The following TMEM132D variants were observed in gnomAD, a reference collection of about 807,000 sequenced individuals.
TMEM132D encodes the protein transmembrane protein 132D, also known as mature OL transmembrane protein.
In TMEM132D, 21 loss-of-function variants were observed where a neutral mutation model predicts 62.3. The ratio of observed to expected loss-of-function variants is 0.34; its 90% confidence interval spans 0.24 to 0.49. TMEM132D has a LOEUF of 0.49. TMEM132D is among the 20% of genes least tolerant of loss of function. The pLI, the probability that TMEM132D is intolerant of heterozygous loss-of-function variation, is 0.99. For synonymous variants in TMEM132D, 621 were observed against 575.6 expected (o/e 1.08, Z -1.13); for missense variants, 1,346 against 1,402.8 (o/e 0.96, Z 0.65).
chr12:129,083,681 C>A (rs1020412334), intron 6 of TMEM132D, among the ~76,000 whole-genome samples: 2 of 152,176 alleles, frequency 1.3e-5, no homozygotes, highest in African/African-American at 4.8e-5. Flanking sequence ...TTCTCCACCC[C>A]CTGCTGAGTA....
At chr12:129,143,345 AG>A (rs561091119) in intron 5 of TMEM132D, among the ~76,000 whole-genome samples, 2 of 152,158 alleles carry the variant, frequency 1.3e-5, no homozygotes, top group South Asian at 2.1e-4. Flanking sequence ...AGCATGGGGG[AG>A]GGGGCATGGA....
chr12:129,837,097 C>T (rs1347802445), intron 1 of TMEM132D, among the ~76,000 whole-genome samples: 2 of 152,140 alleles, frequency 1.3e-5, no homozygotes, highest in Non-Finnish European at 2.9e-5. Context: ...TGTATGTGAC[C>T]ACTGCCACTT....
At chr12:129,077,916 GAC>G (rs1175711972) in intron 8 of TMEM132D, among the ~76,000 whole-genome samples, 4 of 151,876 alleles carry the variant, frequency 2.6e-5, no homozygotes, top group Admixed American at 6.6e-5. Flanking sequence ...ACAACACATA[GAC>G]ACACAACACA....
At chr12:129,760,077 T>A (rs1294396092) in intron 1 of TMEM132D, among the ~76,000 whole-genome samples, 2 of 152,030 alleles carry the variant, frequency 1.3e-5, no homozygotes, top group Non-Finnish European at 2.9e-5. Context: ...GCTAATTTTT[T>A]AAATTTTATT....
chr12:129,657,274 C>A (rs1002714314), intron 2 of TMEM132D, among the ~76,000 whole-genome samples: 1 of 152,190 alleles, frequency 6.6e-6, no homozygotes, highest in African/African-American at 2.4e-5. Flanking sequence ...CAAGTACAGC[C>A]CCAGAGGCTC....
At chr12:129,425,662 G>C (rs984342880) in intron 3 of TMEM132D, among the ~76,000 whole-genome samples, 1 of 152,314 alleles carries the variant, frequency 6.6e-6, no homozygotes, top group East Asian at 1.9e-4. Flanking sequence ...CCAATCAATA[G>C]AGGTAACACT....
chr12:129,638,508 TATAA>T (rs1355127332), intron 2 of TMEM132D, among the ~76,000 whole-genome samples: 2 of 45,300 alleles, frequency 4.4e-5, no homozygotes, highest in South Asian at 4.8e-4. Context: ...TATAAACATA[TATAA>T]ATATATATAA....
intron 4 of TMEM132D, among the ~76,000 whole-genome samples, chr12:129,297,975 C>G (rs1051684323): frequency 6.6e-6 from 1 of 152,140 alleles, no homozygotes; most frequent in South Asian, 2.1e-4. Context: ...GGTTATTTGA[C>G]TTACTCAACC....
intron 4 of TMEM132D, 133 bp downstream of exon 4, chr12:129,337,501 T>C: frequency 1.0e-6 from 1 of 985,886 alleles, no homozygotes; most frequent in East Asian, 2.5e-5. Flanking sequence ...CAGTCAACTT[T>C]GTGGTTTCGT....
rs909514916 is a variant in TMEM132D, at chr12:129,134,088, ATGTG to A, written c.1444-49390_1444-49387del. 1.0e-3 allele frequency among the ~76,000 whole-genome samples: 147 copies of A among 145,008 alleles called. 1 individual carries two copies. The highest frequency in any genetic ancestry group is 3.6e-3 in the African/African-American group (140 of 39,134). The stretch of plus-strand genomic sequence containing the variant: ...GTATTGTGTTGTGTGTGTGTGTTGT[ATGTG>A]TGTGTGTGTTGTGTGTCTGTGTGTT... On this transcript the variant is annotated intron_variant, in intron 5 of 8. Transcript: ENST00000422113.
At chr12:129,149,630 A>T (rs1877016143) in intron 5 of TMEM132D, among the ~76,000 whole-genome samples, 1 of 151,432 alleles carries the variant, frequency 6.6e-6, no homozygotes, top group Admixed American at 6.6e-5. Flanking sequence ...TTGATAATAA[A>T]ACAAAAGGGA....
intron 4 of TMEM132D, among the ~76,000 whole-genome samples, chr12:129,281,824 A>G (rs1566021013): frequency 6.6e-6 from 1 of 152,050 alleles, no homozygotes; most frequent in Non-Finnish European, 1.5e-5. Context: ...CTGGGAGGTT[A>G]TGGCTCCCTC....
chr12:129,239,241 C>T (rs1879868900), intron 4 of TMEM132D, among the ~76,000 whole-genome samples: 1 of 152,160 alleles, frequency 6.6e-6, no homozygotes, highest in Admixed American at 6.5e-5. Flanking sequence ...CAGACATTAA[C>T]ACTATAATGG....
chr12:129,809,427 G>A (rs1473940479), intron 1 of TMEM132D, among the ~76,000 whole-genome samples: 1 of 152,062 alleles, frequency 6.6e-6, no homozygotes, highest in Non-Finnish European at 1.5e-5. Flanking sequence ...CACGGGAGCC[G>A]GGATGGACAC....
chr12:129,336,620 G>T (rs1472364633), intron 4 of TMEM132D, among the ~76,000 whole-genome samples: 1 of 152,180 alleles, frequency 6.6e-6, no homozygotes, highest in Non-Finnish European at 1.5e-5. Flanking sequence ...AACAGGTGCT[G>T]TAGGATGGGA....
At chr12:129,319,763 G>A (rs573617899) in intron 4 of TMEM132D, among the ~76,000 whole-genome samples, 75 of 152,294 alleles carry the variant, frequency 4.9e-4, no homozygotes, top group African/African-American at 1.5e-3. Context: ...TTGGTATTCC[G>A]CAGAAGGTAT....
chr12:129,488,411 G>A (rs1593034221), intron 3 of TMEM132D, among the ~76,000 whole-genome samples: 1 of 152,080 alleles, frequency 6.6e-6, no homozygotes, highest in African/African-American at 2.4e-5. Context: ...GGTGGCTCAG[G>A]CCTGTAACCC....
chr12:129,319,208 C>A (rs1402388464), intron 4 of TMEM132D, among the ~76,000 whole-genome samples: 1 of 152,198 alleles, frequency 6.6e-6, no homozygotes, highest in African/African-American at 2.4e-5. Flanking sequence ...TCTGGCCACC[C>A]TCCCCATAGA....
rs1869118195 is a variant in TMEM132D at position 129,331,983 on chromosome 12, GGTGGATTGCTTGAGGCCAGGA to G, written c.1299+5630_1299+5650del. Among the ~76,000 whole-genome samples the G allele has an allele frequency of 4.6e-5, 7 of 152,300 alleles. No individual in the cohort carries two copies. In the South Asian group the frequency reaches 1.5e-3, roughly 32 times the overall value. On this transcript the variant is annotated intron_variant, in intron 4 of 8. Transcript: ENST00000422113. Reference sequence around the variant, plus strand: ...CCCAGCATTTTGGGAGGCAGAGGCGGGTGGATTGCTTGAGGCCAGGAGTTCGAGACTAGCCTGGGCAACCTG... The same window carrying G: ...CCCAGCATTTTGGGAGGCAGAGGCGGGTTCGAGACTAGCCTGGGCAACCTG...
Sources: allele counts gnomAD v4.1 joint callset (sites outside exome capture counted in the v4.1 genomes callset), GRCh38; gene constraint gnomAD v4.1.1; transcripts MANE v1.5; gene names NCBI Gene and HGNC (gene_info 2026-07-23, HGNC 2026-07-21).